The following DNAH12 variants were observed in gnomAD, a reference collection of about 807,000 sequenced individuals.
DNAH12 encodes the protein dynein axonemal heavy chain 12, also known as axonemal beta dynein heavy chain 12.
A neutral mutation model predicts 371.5 loss-of-function variants in DNAH12; 285 were observed. The observed-to-expected ratio is 0.77, with a 90% confidence interval of 0.70 to 0.85. The LOEUF (loss-of-function observed/expected upper bound fraction) is 0.85, where lower values mean the gene tolerates loss of function less well. DNAH12 is among the 40% of genes least tolerant of loss of function. The pLI, the probability that DNAH12 is intolerant of heterozygous loss-of-function variation, is 0.00. For synonymous variants in DNAH12, 1,200 were observed against 1,213.0 expected (o/e 0.99, Z 0.22); for missense variants, 3,611 against 3,689.4 (o/e 0.98, Z 0.55).
In DNAH12 at chr3:57,356,191, C is replaced by A. The variant is rs1023865230; in HGVS notation, c.9533+985G>T. Among the ~76,000 whole-genome samples, 36 of 152,200 alleles carry A rather than the reference C, an allele frequency of 2.4e-4. No individual in the cohort carries two copies. In the South Asian group the frequency reaches 7.3e-3, roughly 31 times the overall value. ...GTGCAGTGGCTCACTCCTGTAATCT[C>A]AGCACTTAGGGATGCTGAGTCGGGC... On this transcript the variant is annotated intron_variant, in intron 59 of 73. Transcript: ENST00000495027.
intron 17 of DNAH12, among the ~76,000 whole-genome samples, chr3:57,463,205 T>C (rs1368943942): frequency 1.3e-5 from 2 of 151,864 alleles, no homozygotes; most frequent in Non-Finnish European, 2.9e-5. Flanking sequence ...GCCCAGGAAT[T>C]TGAGGTTACA....
intron 29 of DNAH12, among the ~76,000 whole-genome samples, chr3:57,441,489 A>G (rs151085197): frequency 1.2e-3 from 178 of 152,320 alleles, no homozygotes; most frequent in African/African-American, 4.0e-3. Flanking sequence ...ATTAAGGCAT[A>G]AAAACATATA....
At chr3:57,337,786 C>A (rs1523108) in intron 60 of DNAH12, among the ~76,000 whole-genome samples, 1 of 152,086 alleles carries the variant, frequency 6.6e-6, no homozygotes, top group East Asian at 1.9e-4. Flanking sequence ...TTGGAGACTT[C>A]AACACCCTAC....
intron 4 of DNAH12, chr3:57,512,493 GAGA>G (rs2068035232): frequency 6.6e-6 from 1 of 152,202 alleles, no homozygotes; most frequent in Non-Finnish European, 1.5e-5. Context: ...GAATGATACA[GAGA>G]AGATCAGCAT....
chr3:57,551,400 T>A, the DNAH12 span, among the ~76,000 whole-genome samples: 1 of 151,952 alleles, frequency 6.6e-6, no homozygotes, highest in Non-Finnish European at 1.5e-5. Flanking sequence ...GCCTCCCTAG[T>A]AGCTGGGACT....
chr3:57,402,412 C>T (rs533373347), intron 43 of DNAH12: 289 of 1,304,918 alleles, frequency 2.2e-4, no homozygotes, highest in African/African-American at 1.1e-3. Context: ...TGTTGGTCAC[C>T]GGGACAGCAA....
intron 11 of DNAH12, among the ~76,000 whole-genome samples, chr3:57,491,295 A>G (rs2067117677): frequency 6.6e-6 from 1 of 152,104 alleles, no homozygotes; most frequent in South Asian, 2.1e-4. Flanking sequence ...AAGGAAAGCA[A>G]GAAATGTCAG....
At chr3:57,473,460 T>C (rs948206178) in intron 13 of DNAH12, among the ~76,000 whole-genome samples, 1 of 150,768 alleles carries the variant, frequency 6.6e-6, no homozygotes, top group Non-Finnish European at 1.5e-5. Context: ...CACTCCAGCC[T>C]GGGCGACAGA....
chr3:57,489,786 C>T (rs945550569), intron 11 of DNAH12, 99 bp from the exon 12 acceptor site: 2 of 1,204,460 alleles, frequency 1.7e-6, no homozygotes, highest in African/African-American at 3.3e-5. Context: ...ATAAATACAA[C>T]TTTATTTCTT....
chr3:57,457,687 A>AT lies in DNAH12; in HGVS notation c.3336+33dup, dbSNP rs1181532186. ...ACCTCTTAAACAAAGCATTTGCAGAATATAGGGTATATATCAAATCCTAGG... is the reference window on the plus strand; with the variant it reads ...ACCTCTTAAACAAAGCATTTGCAGAATTATAGGGTATATATCAAATCCTAGG... On this transcript the variant is annotated intron_variant, in intron 22 of 73. Coordinates refer to ENST00000495027, the MANE Select transcript of DNAH12 (RefSeq NM_001366028.2). 2.0e-6 allele frequency: 3 copies of AT among 1,528,672 alleles called. No homozygotes were observed. The Middle Eastern group carries it at 5.1e-4, about 260-fold the overall frequency. 94.7% of individuals were successfully genotyped at this position (1,528,672 alleles called of 1,614,324 possible).
intron 60 of DNAH12, among the ~76,000 whole-genome samples, chr3:57,335,678 TCTTATGGCACCG>T (rs2062206253): frequency 6.6e-6 from 1 of 152,228 alleles, no homozygotes; most frequent in African/African-American, 2.4e-5. Context: ...GGTATTATAA[TCTTATGGCACCG>T]CTGTTGCATA....
chr3:57,379,934 T>G (rs1301519575), intron 51 of DNAH12, among the ~76,000 whole-genome samples: 3 of 151,134 alleles, frequency 2.0e-5, no homozygotes, highest in African/African-American at 4.9e-5. Flanking sequence ...GAATAAGAAT[T>G]TGAATAGAAA....
Position 57,405,061 on chromosome 3 carries a change from A to G in DNAH12, c.6663T>C (p.Ile2221=). 1 of 1,547,116 alleles carries G rather than the reference A, an allele frequency of 6.5e-7. No individual in the cohort carries two copies. Among genetic ancestry groups the G allele is most frequent in the South Asian group, 1.2e-5 (1 of 82,992 alleles). The part of the protein sequence containing the change: ...LEGDDRVYIE[I]PNIHHFSDVV... ...CATCACTAAAATGATGAATATTTGG[A>G]ATTTCAATATAAACTCTATCATCTC... The change falls in exon 42 of 74, where the codon ATT becomes ATC. Residue 2221 remains isoleucine, a synonymous_variant. Coordinates refer to ENST00000495027, the MANE Select transcript of DNAH12 (RefSeq NM_001366028.2).
chr3:57,419,881 C>G (rs922271621), intron 36 of DNAH12, among the ~76,000 whole-genome samples: 1 of 152,036 alleles, frequency 6.6e-6, no homozygotes, highest in Non-Finnish European at 1.5e-5. Flanking sequence ...TCAAGATGTC[C>G]TTTTGCATAC....
In DNAH12 at chr3:57,357,271, T is replaced by C. The variant is rs2062821309; in HGVS notation, c.9438A>G (p.Leu3146=). The C allele has an allele frequency of 6.6e-6, 1 of 152,142 alleles. No individual in the cohort carries two copies. Among genetic ancestry groups the C allele is most frequent in the African/African-American group, 2.4e-5 (1 of 41,420 alleles). 9.4% of individuals were successfully genotyped at this position (152,142 alleles called of 1,614,324 possible). Residue 3146 remains leucine (L), a synonymous_variant, in exon 59 of 74, where the codon TTA becomes TTG. Transcript: ENST00000495027. ...TAGCCAGGTCTGCAATGCTAAAGAA[T>C]AACACTGACGAGTGTTTGGCGATGG... ...YRPIAKHSSV[L]FFSIADLANI... is the part of the protein sequence containing the mutation.
rs770934180 is a variant in DNAH12, at chr3:57,322,354, C to T, written c.10513G>A (p.Gly3505Arg). 5 of 1,550,274 alleles carry T rather than the reference C, an allele frequency of 3.2e-6. No individual in the cohort carries two copies. The South Asian group carries it at 6.0e-5, about 19-fold the overall frequency. The change falls in exon 65 of 74, where the codon GGA becomes AGA. Residue 3505 changes from glycine to arginine, a missense_variant. Transcript: ENST00000495027. The stretch of plus-strand genomic sequence containing the variant: ...AAGATGAATATTACCAGTTCCTTTC[C>T]ACGGCATCCCTTGAAAAACTCAGGA... ...SDPEFFKGCR[G>R]KELAWEKLLF... is the part of the protein sequence containing the mutation.
intron 52 of DNAH12, among the ~76,000 whole-genome samples, chr3:57,378,469 C>A (rs1381870912): frequency 6.6e-6 from 1 of 152,118 alleles, no homozygotes; most frequent in Non-Finnish European, 1.5e-5. Context: ...TTTAGGAAGA[C>A]CTTCCCAATT....
intron 4 of DNAH12, among the ~76,000 whole-genome samples, chr3:57,521,842 G>A (rs1210872889): frequency 6.6e-6 from 1 of 151,472 alleles, no homozygotes; most frequent in African/African-American, 2.4e-5. Flanking sequence ...AGCCAAGATC[G>A]CACCACTGCA....
chr3:57,389,822 G>GTGTGTGTGTGTGTGTGTGTC (rs1326306277), intron 45 of DNAH12, among the ~76,000 whole-genome samples: 5 of 45,814 alleles, frequency 1.1e-4, no homozygotes. Context: ...GTGTGTGTGT[G>GTGTGTGTGTGTGTGTGTGTC]TATATATATA....
Sources: allele counts gnomAD v4.1 joint callset (sites outside exome capture counted in the v4.1 genomes callset), GRCh38; gene constraint gnomAD v4.1.1; transcripts MANE v1.5; gene names NCBI Gene and HGNC (gene_info 2026-07-23, HGNC 2026-07-21).